DYRK1A: variants seen among roughly 807,000 people sequenced by gnomAD.
DYRK1A encodes the protein dual specificity tyrosine-phosphorylation-regulated kinase 1A.
A neutral mutation model predicts 79.7 loss-of-function variants in DYRK1A; 9 were observed. That is an observed-to-expected ratio of 0.11 (90% confidence interval 0.07 to 0.20). The LOEUF (loss-of-function observed/expected upper bound fraction) is 0.20, where lower values mean the gene tolerates loss of function less well. Among genes scored for constraint, DYRK1A ranks in the 10% least tolerant of loss-of-function variants. The pLI, the probability that DYRK1A is intolerant of heterozygous loss-of-function variation, is 1.00. For missense variants in DYRK1A, 622 were observed against 956.0 expected (o/e 0.65, Z 4.61); for synonymous variants, 349 against 329.7 (o/e 1.06, Z -0.63).
chr21:37,390,284 A>C (rs777252342), intron 1 of DYRK1A, among the ~76,000 whole-genome samples: 1 of 152,140 alleles, frequency 6.6e-6, no homozygotes, highest in Non-Finnish European at 1.5e-5. Context: ...TTTCTTGACA[A>C]TAACTGAGAA....
intron 2 of DYRK1A, among the ~76,000 whole-genome samples, chr21:37,424,662 G>A (rs1206898228): frequency 6.6e-6 from 1 of 152,078 alleles, no homozygotes. Flanking sequence ...AATTACTTTA[G>A]ATATTTATTT....
intron 3 of DYRK1A, among the ~76,000 whole-genome samples, chr21:37,477,132 A>C (rs1196234656): frequency 6.6e-6 from 1 of 152,134 alleles, no homozygotes; most frequent in East Asian, 1.9e-4. Context: ...CAATTATACC[A>C]TGACTCCACA....
intron 1 of DYRK1A, among the ~76,000 whole-genome samples, chr21:37,370,243 A>G (rs953356993): frequency 2.0e-5 from 3 of 152,112 alleles, no homozygotes; most frequent in East Asian, 1.9e-4. Context: ...TTTTGTAACT[A>G]CACGAAGTGT....
chr21:37,459,908 A>G (rs1158744446), intron 2 of DYRK1A, among the ~76,000 whole-genome samples: 1 of 152,200 alleles, frequency 6.6e-6, no homozygotes, highest in African/African-American at 2.4e-5. Flanking sequence ...CTTGTATGCA[A>G]ATTAAAAATA....
intron 2 of DYRK1A, among the ~76,000 whole-genome samples, chr21:37,443,941 TG>T (rs1455974101): frequency 1.3e-5 from 2 of 152,208 alleles, no homozygotes; most frequent in Non-Finnish European, 2.9e-5. Flanking sequence ...TCTGAGGTAC[TG>T]GGGTTAGGAT....
chr21:37,492,984 A>AT, intron 7 of DYRK1A, 33 bp from the exon 8 acceptor site: 1 of 1,541,220 alleles, frequency 6.5e-7, no homozygotes. Context: ...GTTTTAAGCA[A>AT]TTGAAGTAAT....
Position 37,515,477 on chromosome 21 carries a change from A to T in DYRK1A, c.*2946A>T, listed in dbSNP as rs187053105. 6.6e-6 allele frequency: 1 copy of T among 152,228 alleles called. No individual in the cohort carries two copies. The highest frequency in any genetic ancestry group is 1.5e-5 in the Non-Finnish European group (1 of 68,016). 9.4% of individuals were successfully genotyped at this position (152,228 alleles called of 1,614,324 possible). ...GTTGGTAGCATTTCGACTGGATGTG[A>T]GGGTCTGATGGTTTTCTCTGATATG... On this transcript the variant is annotated 3_prime_UTR_variant, in exon 12 of 12. Transcript: ENST00000647188.
intron 1 of DYRK1A, among the ~76,000 whole-genome samples, chr21:37,381,687 C>T (rs1358513707): frequency 6.6e-6 from 1 of 152,086 alleles, no homozygotes; most frequent in Non-Finnish European, 1.5e-5. Flanking sequence ...ACTCGGGAGC[C>T]TGAGGCAGGA....
intron 3 of DYRK1A, among the ~76,000 whole-genome samples, chr21:37,475,346 T>C (rs1169684549): frequency 6.6e-6 from 1 of 152,206 alleles, no homozygotes; most frequent in East Asian, 1.9e-4. Context: ...GCTTGCTCTA[T>C]TACTGTACAT....
At chr21:37,461,150 AGAAT>A (rs1169660439) in intron 2 of DYRK1A, among the ~76,000 whole-genome samples, 2 of 152,254 alleles carry the variant, frequency 1.3e-5, no homozygotes, top group African/African-American at 4.8e-5. Context: ...TGTTAAATAC[AGAAT>A]GAATGAAAAG....
intron 2 of DYRK1A, among the ~76,000 whole-genome samples, chr21:37,446,465 T>C (rs2051273975): frequency 6.6e-6 from 1 of 152,230 alleles, no homozygotes; most frequent in Non-Finnish European, 1.5e-5. Flanking sequence ...ATCATTTAAA[T>C]TGATTTTCCC....
At chr21:37,395,002 A>G (rs184501213) in intron 1 of DYRK1A, among the ~76,000 whole-genome samples, 6 of 152,298 alleles carry the variant, frequency 3.9e-5, no homozygotes, top group Admixed American at 2.6e-4. Flanking sequence ...GAAGAGAGGG[A>G]TCTCAGATTC....
intron 1 of DYRK1A, among the ~76,000 whole-genome samples, chr21:37,389,533 G>GT (rs1018690722): frequency 2.6e-5 from 4 of 152,012 alleles, no homozygotes; most frequent in South Asian, 2.1e-4. Flanking sequence ...TTTTTTGTTT[G>GT]TTTTTTGTTT....
At chr21:37,394,226 C>CT (rs10593016) in intron 1 of DYRK1A, among the ~76,000 whole-genome samples, 1,670 of 143,998 alleles carry the variant, frequency 0.012, 14 homozygotes, top group Middle Eastern at 0.046. Context: ...TTTTTAAACC[C>CT]TTTTTTTTTT....
rs1857734524 is a variant in DYRK1A at position 37,433,596 on chromosome 21, A to G, written c.10+13212A>G. Among the ~76,000 whole-genome samples the G allele has an allele frequency of 3.9e-5, 6 of 152,222 alleles. No homozygotes were observed. In the South Asian group the frequency reaches 1.2e-3, roughly 32 times the overall value. On this transcript the variant is annotated intron_variant, in intron 2 of 11. Transcript: ENST00000647188. ...TCCAAGTAGTTCAAAAATGTACCAA[A>G]AGTTGTGAAGTTTAAAGGGCTGAGA...
chr21:37,423,141 A>C (rs187916062), intron 2 of DYRK1A, among the ~76,000 whole-genome samples: 1 of 152,152 alleles, frequency 6.6e-6, no homozygotes. Flanking sequence ...AGACTCACCT[A>C]TTGAATTCAA....
intron 1 of DYRK1A, among the ~76,000 whole-genome samples, chr21:37,383,426 C>T (rs183459661): frequency 4.5e-4 from 69 of 152,328 alleles, no homozygotes; most frequent in African/African-American, 1.5e-3. Flanking sequence ...TAATAACTTC[C>T]TTTCAGCTTA....
At chr21:37,382,048 A>T (rs1186228669) in intron 1 of DYRK1A, among the ~76,000 whole-genome samples, 1 of 152,100 alleles carries the variant, frequency 6.6e-6, no homozygotes, top group South Asian at 2.1e-4. Flanking sequence ...TAGTTTTATA[A>T]CCTTTTTCAG....
intron 2 of DYRK1A, among the ~76,000 whole-genome samples, chr21:37,423,691 T>A (rs1433124098): frequency 7.9e-5 from 12 of 152,142 alleles, no homozygotes; most frequent in Non-Finnish European, 1.6e-4. Context: ...TGAAATGAAC[T>A]TCTTTAACAA....
Sources: allele counts gnomAD v4.1 joint callset (sites outside exome capture counted in the v4.1 genomes callset), GRCh38; gene constraint gnomAD v4.1.1; transcripts MANE v1.5; gene names NCBI Gene and HGNC (gene_info 2026-07-23, HGNC 2026-07-21).